The following PEX12 variants were observed in gnomAD, a reference collection of about 807,000 sequenced individuals.
PEX12 encodes the protein peroxisomal biogenesis factor 12.
Under a neutral mutation model 32.5 loss-of-function variants are expected in PEX12, and 31 were observed. The observed-to-expected ratio is 0.95, with a 90% CI of 0.72 to 1.29. The LOEUF (loss-of-function observed/expected upper bound fraction) is 1.29, where lower values mean the gene tolerates loss of function less well. Ranked by LOEUF, PEX12 falls within the 50% of genes most tolerant of loss-of-function variation. The probability of loss-of-function intolerance (pLI) is 0.00; values close to 1 mark genes in which losing one functional copy is unlikely to be tolerated. For synonymous variants in PEX12, 148 were observed against 157.2 expected (o/e 0.94, Z 0.44); for missense variants, 359 against 419.0 (o/e 0.86, Z 1.25).
rs2072792877 is a variant in PEX12, at chr17:35,577,449, T to G, written c.269A>C (p.Lys90Thr). The part of the protein sequence containing the change: ...ASFSENFYGL[K>T]RIVMGDTHKS... ...GTGAGTGTCCCCCATTACAATTCTC[T>G]TTAAGCCGTAAAAGTTTTCAGAAAA... The change falls in exon 2 of 3, where the codon AAG becomes ACG. Residue 90 changes from lysine to threonine, a missense_variant. Transcript: ENST00000225873. 6.2e-7 allele frequency: 1 copy of G among 1,613,918 alleles called. No homozygotes were observed. Among genetic ancestry groups the G allele is most frequent in the Non-Finnish European group, 8.5e-7 (1 of 1,179,942 alleles).
rs1732130498 is a variant in PEX12 at position 35,578,344 on chromosome 17, T to A, written c.-323A>T. The A allele has an allele frequency of 1.1e-5, 4 of 363,374 alleles. No individual in the cohort carries two copies. The highest frequency in any genetic ancestry group is 8.6e-5 in the South Asian group (4 of 46,328). The allele number at this position is 363,374 out of a possible 1,614,324, so 22.5% of individuals were successfully genotyped here. On this transcript the variant is annotated 5_prime_UTR_variant, in exon 1 of 3. Coordinates refer to ENST00000225873, the MANE Select transcript of PEX12 (RefSeq NM_000286.3). ...GACAGGTATGGGGGAAGGAACGCAA[T>A]CCTCTGGAGCTGCGAACCAGAAACG...
intron 2 of PEX12, among the ~76,000 whole-genome samples, chr17:35,576,828 A>C (rs1309660333): frequency 6.6e-6 from 1 of 152,174 alleles, no homozygotes; most frequent in East Asian, 1.9e-4. Context: ...CACCTAGCAC[A>C]GGGCCTGGGA....
chr17:35,578,073 A>G lies in PEX12; in HGVS notation c.-52T>C. On this transcript the variant is annotated 5_prime_UTR_variant, in exon 1 of 3. The change abolishes an upstream ATG in the 5' untranslated region. Coordinates refer to ENST00000225873, the MANE Select transcript of PEX12 (RefSeq NM_000286.3). ...TTTTCCCACAAACTCTCTCGTGAGC[A>G]TGAACTTTTTCGGGAGGAAGAGTAT... is the stretch of plus-strand genomic sequence containing the variant. 6.2e-7 allele frequency: 1 copy of G among 1,612,726 alleles called. No individual in the cohort carries two copies. The highest frequency in any genetic ancestry group is 8.5e-7 in the Non-Finnish European group (1 of 1,179,196).
Position 35,574,824 on chromosome 17 carries a change from CCT to C in PEX12, c.*956_*957del, listed in dbSNP as rs1287508844. ...CTGAATGAAAAATTTATTTTAAACA[CCT>C]CAAGTAATCTTTACATTTCTACAAA... On this transcript the variant is annotated 3_prime_UTR_variant, in exon 3 of 3. Coordinates refer to ENST00000225873, the MANE Select transcript of PEX12 (RefSeq NM_000286.3). 8 of 152,728 alleles carry C rather than the reference CCT, an allele frequency of 5.2e-5. No homozygotes were observed. In the East Asian group the frequency reaches 1.5e-3, roughly 29 times the overall value. The allele number at this position is 152,728 out of a possible 1,614,324, so 9.5% of individuals were successfully genotyped here.
chr17:35,575,790 CAG>C lies in PEX12; in HGVS notation c.1070_1071del (p.Pro357ArgfsTer38), dbSNP rs1555549722. The C allele has an allele frequency of 1.2e-6, 2 of 1,614,114 alleles. No homozygotes were observed. The highest frequency in any genetic ancestry group is 1.7e-6 in the Non-Finnish European group (2 of 1,179,966). ...EVQHLIKLYS[P>X]EN ...TAAGACATGATTCCCTTTCAGTTCTCAGGGGAGTAGAGTTTAATCAGATGTTG... is the reference window on the plus strand; with the variant it reads ...TAAGACATGATTCCCTTTCAGTTCTCGGGAGTAGAGTTTAATCAGATGTTG... On this transcript the variant is annotated frameshift_variant, in exon 3 of 3. Coordinates refer to ENST00000225873, the MANE Select transcript of PEX12 (RefSeq NM_000286.3). LOFTEE classifies it high-confidence loss of function.
rs1261516554 is a variant in PEX12 at position 35,578,257 on chromosome 17, A to G, written c.-236T>C. On this transcript the variant is annotated 5_prime_UTR_variant, in exon 1 of 3. Coordinates refer to ENST00000225873, the MANE Select transcript of PEX12 (RefSeq NM_000286.3). ...AGTTAACTCGGACGTGGGTGGAAGT[A>G]GTATGTGGCGAGGGGGTAACTTGTC... 2.0e-6 allele frequency: 1 copy of G among 492,770 alleles called. No individual in the cohort carries two copies. The highest frequency in any genetic ancestry group is 2.8e-5 in the Admixed American group (1 of 36,108). The allele number at this position is 492,770 out of a possible 1,614,324, so 30.5% of individuals were successfully genotyped here. A position where few individuals can be genotyped will look rare whatever the true frequency, so the allele number is the denominator to read the frequency against.
At position 35,577,259 on chromosome 17, in the gene PEX12, T is replaced by C; in HGVS notation, c.459A>G (p.Lys153=). Residue 153 remains lysine, a synonymous_variant, in exon 2 of 3, where the codon AAA becomes AAG. Coordinates refer to ENST00000225873, the MANE Select transcript of PEX12 (RefSeq NM_000286.3). ...YSIHPPSSRW[K]RFYRAFLAAY... is the part of the protein sequence containing the mutation. Reference sequence around the variant, plus strand: ...CTGCCAGGAAAGCTCTGTAAAATCGTTTCCAGCGGGAAGAAGGGGGATGAA... The same window carrying C: ...CTGCCAGGAAAGCTCTGTAAAATCGCTTCCAGCGGGAAGAAGGGGGATGAA... The C allele has an allele frequency of 1.2e-6, 2 of 1,614,146 alleles. No individual in the cohort carries two copies. Among genetic ancestry groups the C allele is most frequent in the South Asian group, 2.2e-5 (2 of 91,074 alleles).
chr17:35,577,818 G>C, intron 1 of PEX12, 78 bp downstream of exon 1: 1 of 1,592,504 alleles, frequency 6.3e-7, no homozygotes, highest in Non-Finnish European at 8.6e-7. Flanking sequence ...CAAACGCTAG[G>C]CTACCAAATA....
At position 35,576,038 on chromosome 17, in the gene PEX12, G is replaced by A; in HGVS notation, c.824C>T (p.Ser275Leu). 1 of 1,614,124 alleles carries A rather than the reference G, an allele frequency of 6.2e-7. No homozygotes were observed. The change falls in exon 3 of 3, where the codon TCA becomes TTA. Residue 275 changes from serine to leucine, a missense_variant. Coordinates refer to ENST00000225873, the MANE Select transcript of PEX12 (RefSeq NM_000286.3). ...TGGTGGAGTAGGCAGGGCAGTCAAT[G>A]ACTTGATGGTTTCTTGATTTTCAGA... ...YSSENQETIK[S>L]LTALPTPPPP...
chr17:35,575,842 G>A lies in PEX12; in HGVS notation c.1020C>T (p.Pro340=). The change falls in exon 3 of 3, where the codon CCC becomes CCT. Residue 340 remains proline, a synonymous_variant. Coordinates refer to ENST00000225873, the MANE Select transcript of PEX12 (RefSeq NM_000286.3). ...GTACTTCTGTTGGATAACCTGTGAT[G>A]GGACAAGCTTGGTGACTCCTCACAT... ...FHYVRSHQAC[P]ITGYPTEVQH... The A allele has an allele frequency of 6.2e-7, 1 of 1,614,120 alleles. No individual in the cohort carries two copies. Among genetic ancestry groups the A allele is most frequent in the South Asian group, 1.1e-5 (1 of 91,074 alleles).
rs1348709816 is a variant in PEX12 at position 35,578,475 on chromosome 17, G to C, written c.-454C>G. Reference sequence around the variant, plus strand: ...AGGGCTGACTCCAGCTGTTGGCTTTGAGTATCCCCGCCCGCGCCCGTCCTT... The same window carrying C: ...AGGGCTGACTCCAGCTGTTGGCTTTCAGTATCCCCGCCCGCGCCCGTCCTT... On this transcript the variant is annotated 5_prime_UTR_variant, in exon 1 of 3. Transcript: ENST00000225873. 7.5e-6 allele frequency: 2 copies of C among 268,000 alleles called. No homozygotes were observed. The highest frequency in any genetic ancestry group is 1.5e-5 in the Non-Finnish European group (2 of 134,450). 16.6% of individuals were successfully genotyped at this position (268,000 alleles called of 1,614,324 possible).
rs572785120 is a variant in PEX12, at chr17:35,575,727, C to G, written c.*55G>C. ...CAACTCAATACCATGCTGAAACCAGCTCTGTGACATTACAGCGCAATACTT... is the reference window on the plus strand; with the variant it reads ...CAACTCAATACCATGCTGAAACCAGGTCTGTGACATTACAGCGCAATACTT... On this transcript the variant is annotated 3_prime_UTR_variant, in exon 3 of 3. Coordinates refer to ENST00000225873, the MANE Select transcript of PEX12 (RefSeq NM_000286.3). 1 of 1,552,264 alleles carries G rather than the reference C, an allele frequency of 6.4e-7. No homozygotes were observed. The highest frequency in any genetic ancestry group is 8.9e-7 in the Non-Finnish European group (1 of 1,123,958).
chr17:35,577,507 G>T lies in PEX12; in HGVS notation c.211C>A (p.Gln71Lys). Residue 71 changes from glutamine (Q) to lysine (K), a missense_variant, in exon 2 of 3, where the codon CAG becomes AAG. Coordinates refer to ENST00000225873, the MANE Select transcript of PEX12 (RefSeq NM_000286.3). ...EIFTLLDLLL[Q>K]QHYLSRTSAS... ...CTGGTTCTAGACAGATAATGTTGCT[G>T]GAGCAGAAGATCTAGCAGAGTAAAG... 6.2e-7 allele frequency: 1 copy of T among 1,613,740 alleles called. No homozygotes were observed. Among genetic ancestry groups the T allele is most frequent in the Non-Finnish European group, 8.5e-7 (1 of 1,179,872 alleles).
At chr17:35,576,460 C>T (rs1157587464) in intron 2 of PEX12, among the ~76,000 whole-genome samples, 1 of 139,698 alleles carries the variant, frequency 7.2e-6, no homozygotes, top group Non-Finnish European at 1.6e-5. Flanking sequence ...ATAGACCTCC[C>T]TTTTTTTAGT....
In PEX12 at chr17:35,575,886, A is replaced by G; in HGVS notation, c.976T>C (p.Tyr326His). ...CTCACATAATGAAACACACAGCGGT[A>G]ACAAAACACATAGCCAGAGGTGGCA... ...VLATSGYVFC[Y>H]RCVFHYVRSH... The change falls in exon 3 of 3, where the codon TAC becomes CAC. Residue 326 changes from tyrosine (Y) to histidine (H), a missense_variant. Tyr to His is a moderately conservative substitution (Grantham distance 83). Transcript: ENST00000225873. 3 of 1,614,232 alleles carry G rather than the reference A, an allele frequency of 1.9e-6. No homozygotes were observed. The highest frequency in any genetic ancestry group is 2.5e-6 in the Non-Finnish European group (3 of 1,180,040).
rs1260034477 is a variant in PEX12, at chr17:35,577,415, CTG to C, written c.301_302del (p.Gln101GlufsTer4). On this transcript the variant is annotated frameshift_variant, in exon 2 of 3. Coordinates refer to ENST00000225873, the MANE Select transcript of PEX12 (RefSeq NM_000286.3). LOFTEE classifies it high-confidence loss of function. ...RIVMGDTHKS[Q>X]RLASAGLPKQ... ...TTGGGAGACCAGCACTAGCCAATCTCTGAGACTTGTGAGTGTCCCCCATTACA... is the reference window on the plus strand; with the variant it reads ...TTGGGAGACCAGCACTAGCCAATCTCAGACTTGTGAGTGTCCCCCATTACA... The C allele has an allele frequency of 6.2e-7, 1 of 1,614,206 alleles. No homozygotes were observed. The highest frequency in any genetic ancestry group is 8.5e-7 in the Non-Finnish European group (1 of 1,180,042).
chr17:35,578,155 C>T lies in PEX12; in HGVS notation c.-134G>A, dbSNP rs573936125. The stretch of plus-strand genomic sequence containing the variant: ...TCTGCATGATATCTGAAACTCGAAA[C>T]TCAATCTTATGGGCAAAAATGAACT... On this transcript the variant is annotated 5_prime_UTR_variant, in exon 1 of 3. Coordinates refer to ENST00000225873, the MANE Select transcript of PEX12 (RefSeq NM_000286.3). The T allele has an allele frequency of 1.3e-5, 15 of 1,170,328 alleles. No individual in the cohort carries two copies. In the African/African-American group the frequency reaches 2.1e-4, roughly 16 times the overall value. The allele number at this position is 1,170,328 out of a possible 1,614,324, so 72.5% of individuals were successfully genotyped here. A position where few individuals can be genotyped will look rare whatever the true frequency, so the allele number is the denominator to read the frequency against.
chr17:35,577,003 T>C, intron 2 of PEX12, 35 bp downstream of exon 2: 1 of 1,599,612 alleles, frequency 6.3e-7, no homozygotes, highest in South Asian at 1.1e-5. Context: ...TCGAATTTAC[T>C]AACTAAAGAT....
At chr17:35,576,487 GAA>G (rs34856484) in intron 2 of PEX12, among the ~76,000 whole-genome samples, 214 of 107,714 alleles carry the variant, frequency 2.0e-3, no homozygotes, top group African/African-American at 5.9e-3. Context: ...TAGTGATCCA[GAA>G]AAAAAAAAAA....
Sources: gnomAD v4.1 joint callset for allele counts (sites outside exome capture counted in the v4.1 genomes callset) on GRCh38, gnomAD v4.1.1 for gene constraint, MANE v1.5 for transcripts, NCBI Gene and HGNC (gene_info 2026-07-23, HGNC 2026-07-21) for gene names.